MCCC2: variants seen among roughly 807,000 people sequenced by gnomAD.
The protein encoded by MCCC2 is methylcrotonoyl-CoA carboxylase beta chain, mitochondrial.
MCCC2 carries 52 observed loss-of-function variants against 77.2 expected under a neutral mutation model. That is an observed-to-expected ratio of 0.67 (90% CI 0.54 to 0.85). MCCC2 has a LOEUF of 0.85. Ranked by LOEUF, MCCC2 falls within the 40% of genes least tolerant of loss-of-function variation. The pLI, the probability that MCCC2 is intolerant of heterozygous loss-of-function variation, is 0.00. For synonymous variants in MCCC2, 253 were observed against 248.4 expected (o/e 1.02, Z -0.18); for missense variants, 682 against 703.2 (o/e 0.97, Z 0.34).
intron 3 of MCCC2, among the ~76,000 whole-genome samples, chr5:71,597,959 C>A (rs763503654): frequency 4.6e-5 from 7 of 152,136 alleles, no homozygotes; most frequent in South Asian, 2.1e-4. Context: ...TACTGTGTAA[C>A]CTTAGACAAG....
intron 2 of MCCC2, among the ~76,000 whole-genome samples, chr5:71,594,799 G>A (rs1481751800): frequency 6.6e-6 from 1 of 152,014 alleles, no homozygotes; most frequent in Non-Finnish European, 1.5e-5. Flanking sequence ...CCCTCTTTCT[G>A]GTTCTTCCTA....
chr5:71,653,219 G>A (rs1345997214), intron 16 of MCCC2, among the ~76,000 whole-genome samples: 1 of 152,196 alleles, frequency 6.6e-6, no homozygotes, highest in African/African-American at 2.4e-5. Flanking sequence ...ATGCTTGTAC[G>A]TTTGAAAGGT....
At chr5:71,603,415 CAAAAAAAAAAAA>C (rs10538231) in intron 5 of MCCC2, among the ~76,000 whole-genome samples, 1 of 74,234 alleles carries the variant, frequency 1.3e-5, no homozygotes, top group South Asian at 5.2e-4. Flanking sequence ...GAGACTGTCT[CAAAAAAAAAAAA>C]AAAAAAAAAA....
At chr5:71,631,171 G>T (rs147478055) in intron 7 of MCCC2, among the ~76,000 whole-genome samples, 1 of 152,304 alleles carries the variant, frequency 6.6e-6, no homozygotes, top group East Asian at 1.9e-4. Context: ...AGTATTCAAA[G>T]ATGAATAAAT....
chr5:71,636,997 G>A (rs1324746193), intron 10 of MCCC2, among the ~76,000 whole-genome samples: 6 of 152,134 alleles, frequency 3.9e-5, no homozygotes, highest in Admixed American at 2.6e-4. Flanking sequence ...GCCCACCTCA[G>A]CCTTCCGAAG....
rs751519858 is a variant in MCCC2, at chr5:71,592,995, A to T, written c.196+3A>T. The T allele has an allele frequency of 1.2e-6, 2 of 1,609,888 alleles. No individual in the cohort carries two copies. The highest frequency in any genetic ancestry group is 1.7e-6 in the Non-Finnish European group (2 of 1,176,186). On this transcript the variant is annotated splice_donor_region_variant and intron_variant, in intron 2 of 16. Coordinates refer to ENST00000340941, the MANE Select transcript of MCCC2 (RefSeq NM_022132.5). ...ACGAGTGGAGCATATAAAACTAGGT[A>T]AACACAGCATTTATTCCACAGCTTA...
At chr5:71,622,433 C>T (rs1244602702) in intron 6 of MCCC2, among the ~76,000 whole-genome samples, 1 of 152,124 alleles carries the variant, frequency 6.6e-6, no homozygotes, top group Non-Finnish European at 1.5e-5. Context: ...AATTTTTTTA[C>T]AGCTTCGTTG....
intron 10 of MCCC2, chr5:71,635,649 A>G (rs1746889700): frequency 2.9e-6 from 1 of 345,686 alleles, no homozygotes; most frequent in South Asian, 2.3e-5. Flanking sequence ...TTTTAGATCA[A>G]TATGACATTT....
chr5:71,613,293 C>G (rs1164193593), intron 6 of MCCC2, among the ~76,000 whole-genome samples: 2 of 152,184 alleles, frequency 1.3e-5, no homozygotes, highest in Non-Finnish European at 2.9e-5. Context: ...CTAACATGTT[C>G]TTTGCTGTGT....
intron 15 of MCCC2, among the ~76,000 whole-genome samples, chr5:71,651,506 T>G (rs1341680762): frequency 6.6e-6 from 1 of 152,214 alleles, no homozygotes; most frequent in East Asian, 1.9e-4. Flanking sequence ...CTGAAGTTGC[T>G]TAGGTACACT....
chr5:71,636,868 C>T (rs1358099528), intron 10 of MCCC2, among the ~76,000 whole-genome samples: 4 of 151,776 alleles, frequency 2.6e-5, no homozygotes, highest in Admixed American at 6.6e-5. Flanking sequence ...CTCAGCCTCC[C>T]GAGTAGCTGG....
intron 16 of MCCC2, among the ~76,000 whole-genome samples, chr5:71,652,988 C>A (rs1747481517): frequency 6.6e-6 from 1 of 152,244 alleles, no homozygotes; most frequent in African/African-American, 2.4e-5. Context: ...TGGTCTGATT[C>A]TCGCTTCCCT....
intron 2 of MCCC2, among the ~76,000 whole-genome samples, chr5:71,594,898 CTT>C (rs1554133335): frequency 4.6e-4 from 9 of 19,456 alleles, no homozygotes; most frequent in Non-Finnish European, 1.5e-4. Context: ...AAGTCTCTCT[CTT>C]TTTTTTTTTT....
At chr5:71,591,536 G>T (rs1353838996) in intron 1 of MCCC2, among the ~76,000 whole-genome samples, 1 of 148,856 alleles carries the variant, frequency 6.7e-6, no homozygotes, top group Non-Finnish European at 1.5e-5. Context: ...TCCCGGGTTC[G>T]AGGGATTCTC....
chr5:71,631,065 A>C (rs187412524), intron 7 of MCCC2, among the ~76,000 whole-genome samples: 6 of 152,274 alleles, frequency 3.9e-5, no homozygotes, highest in Admixed American at 3.9e-4. Context: ...ACATTCTGCT[A>C]GATCTTAGGT....
At chr5:71,593,260 G>A (rs571691268) in intron 2 of MCCC2, among the ~76,000 whole-genome samples, 6 of 151,886 alleles carry the variant, frequency 4.0e-5, no homozygotes, top group African/African-American at 1.2e-4. Context: ...TCTAATTTTT[G>A]TATTTTTTAA....
intron 11 of MCCC2, 77 bp downstream of exon 11, chr5:71,641,152 G>T: frequency 7.6e-7 from 1 of 1,310,028 alleles, no homozygotes. Flanking sequence ...TCAAGACTTT[G>T]ATACACTTGA....
At chr5:71,633,131 A>ATATATTTTTTTTTTTTTTTT (rs1554137344) in intron 8 of MCCC2, among the ~76,000 whole-genome samples, 1 of 78,078 alleles carries the variant, frequency 1.3e-5, no homozygotes, top group African/African-American at 5.1e-5. Context: ...ATATATATAT[A>ATATATTTTTTTTTTTTTTTT]TTTTTATTTT....
At chr5:71,618,677 T>C (rs190628790) in intron 6 of MCCC2, among the ~76,000 whole-genome samples, 1 of 152,172 alleles carries the variant, frequency 6.6e-6, no homozygotes, top group East Asian at 1.9e-4. Flanking sequence ...TGAGCCACTA[T>C]GCCAGGCCAA....
Sources: allele counts gnomAD v4.1 joint callset (sites outside exome capture counted in the v4.1 genomes callset), GRCh38; gene constraint gnomAD v4.1.1; transcripts MANE v1.5; gene names NCBI Gene and HGNC (gene_info 2026-07-23, HGNC 2026-07-21).